Variants in ZDHHC20 observed in about 807,000 individuals in gnomAD.
ZDHHC20 encodes the protein palmitoyltransferase ZDHHC20.
ZDHHC20 carries 43 observed loss-of-function variants against 57.8 expected under a neutral mutation model. That is an observed-to-expected ratio of 0.74 (90% CI 0.58 to 0.96). ZDHHC20 has a LOEUF of 0.96. Among genes scored for constraint, ZDHHC20 ranks in the 40% least tolerant of loss-of-function variants. ZDHHC20 has a pLI of 0.00. For missense variants in ZDHHC20, 391 were observed against 441.1 expected (o/e 0.89, Z 1.02); for synonymous variants, 157 against 153.0 (o/e 1.03, Z -0.19).
chr13:21,454,912 T>G (rs983777975), intron 1 of ZDHHC20, among the ~76,000 whole-genome samples: 9 of 151,858 alleles, frequency 5.9e-5, no homozygotes, highest in Non-Finnish European at 1.2e-4. Context: ...TTTGTTTGTT[T>G]GTTTGTTGGT....
rs138977863 is a variant in ZDHHC20, at chr13:21,374,872, G to A, written c.*1824C>T. On this transcript the variant is annotated 3_prime_UTR_variant, in exon 13 of 13. Transcript: ENST00000400590. ...ACCGGGGCGGGGCGTGGTGGCTCAC[G>A]CCTGTAATCCCAGCACTTTGGGAAG... is the stretch of plus-strand genomic sequence containing the variant. 4.0e-3 allele frequency: 1,264 copies of A among 312,994 alleles called. 17 individuals are homozygous for A. The highest frequency in any genetic ancestry group is 0.025 in the African/African-American group (1,139 of 45,204). 19.4% of individuals were successfully genotyped at this position (312,994 alleles called of 1,614,324 possible). A position where few individuals can be genotyped will look rare whatever the true frequency, so the allele number is the denominator to read the frequency against.
At chr13:21,458,021 C>T (rs1336498768) in intron 1 of ZDHHC20, among the ~76,000 whole-genome samples, 1 of 152,200 alleles carries the variant, frequency 6.6e-6, no homozygotes, top group Non-Finnish European at 1.5e-5. Context: ...CAGATGTATA[C>T]AGAACACCCT....
At chr13:21,404,810 G>T (rs1254648789) in intron 4 of ZDHHC20, among the ~76,000 whole-genome samples, 2 of 149,576 alleles carry the variant, frequency 1.3e-5, no homozygotes, top group African/African-American at 4.9e-5. Flanking sequence ...AAAGGGAAAA[G>T]AATATATATT....
At chr13:21,428,454 C>T (rs1027711350) in intron 1 of ZDHHC20, among the ~76,000 whole-genome samples, 1 of 151,690 alleles carries the variant, frequency 6.6e-6, no homozygotes, top group Admixed American at 6.6e-5. Context: ...CTCCTGACCT[C>T]GTGATCCACC....
chr13:21,416,584 G>A (rs1249182150), intron 3 of ZDHHC20, among the ~76,000 whole-genome samples: 3 of 152,084 alleles, frequency 2.0e-5, no homozygotes, highest in East Asian at 1.9e-4. Context: ...TACAAAATAC[G>A]AATCAGCATA....
rs144164087 is a variant in ZDHHC20, at chr13:21,403,836, C to T, written c.371-970G>A. On this transcript the variant is annotated intron_variant, in intron 4 of 12. Transcript: ENST00000400590. The stretch of plus-strand genomic sequence containing the variant: ...CCGAGTAGCTGGGACAACAGGTGTG[C>T]GCCATCATGCCCAGGTAATTTTTGT... Among the ~76,000 whole-genome samples the T allele has an allele frequency of 2.7e-4, 41 of 152,170 alleles. No homozygotes were observed. In the East Asian group the frequency reaches 6.4e-3, roughly 24 times the overall value.
intron 4 of ZDHHC20, among the ~76,000 whole-genome samples, chr13:21,406,423 T>C (rs2137822146): frequency 6.6e-6 from 1 of 152,372 alleles, no homozygotes; most frequent in East Asian, 1.9e-4. Flanking sequence ...ATAAAATAGA[T>C]GTGTAGAACA....
intron 8 of ZDHHC20, among the ~76,000 whole-genome samples, chr13:21,388,317 CT>C (rs1289417010): frequency 1.3e-5 from 2 of 151,776 alleles, no homozygotes. Context: ...GTTTTATAAG[CT>C]AAGGATAAGA....
chr13:21,386,698 G>A (rs944332077), intron 9 of ZDHHC20, among the ~76,000 whole-genome samples: 17 of 152,176 alleles, frequency 1.1e-4, no homozygotes, highest in South Asian at 6.2e-4. Flanking sequence ...ACAGGTGTGC[G>A]CCACCACACC....
In ZDHHC20 at chr13:21,421,141, C is replaced by T; in HGVS notation, c.169G>A (p.Ala57Thr). The T allele has an allele frequency of 2.5e-6, 4 of 1,613,128 alleles. No homozygotes were observed. The highest frequency in any genetic ancestry group is 3.4e-6 in the Non-Finnish European group (4 of 1,179,614). Reference sequence around the variant, plus strand: ...AACATAACAAAGAACAGATGGAAAGCCACAAGGTAAACAACGGTCTTTCCT... The same window carrying T: ...AACATAACAAAGAACAGATGGAAAGTCACAAGGTAAACAACGGTCTTTCCT... ...ENGKTVVYLV[A>T]FHLFFVMFVW... Residue 57 changes from alanine (A) to threonine (T), a missense_variant, in exon 3 of 13, where the codon GCT (alanine) becomes ACT (threonine). Ala to Thr is a moderately conservative substitution (Grantham distance 58, BLOSUM62 0). Around this residue, in one of 3 missense-constraint regions of ZDHHC20, gnomAD observed 185 missense variants for 188.0 expected, o/e 0.98. Transcript: ENST00000400590.
intron 1 of ZDHHC20, among the ~76,000 whole-genome samples, chr13:21,432,890 T>A (rs74985854): frequency 0.03 from 4,583 of 152,350 alleles, 219 homozygotes; most frequent in African/African-American, 0.1. Flanking sequence ...TATTTGTTCT[T>A]CATTAAATTA....
intron 4 of ZDHHC20, among the ~76,000 whole-genome samples, chr13:21,410,848 C>T (rs192356142): frequency 4.6e-5 from 7 of 152,300 alleles, no homozygotes; most frequent in African/African-American, 1.4e-4. Flanking sequence ...CTAGCTTCAA[C>T]CCCCTTTCCA....
intron 7 of ZDHHC20, among the ~76,000 whole-genome samples, chr13:21,397,428 G>A (rs969942098): frequency 2.0e-5 from 3 of 152,162 alleles, no homozygotes; most frequent in Non-Finnish European, 2.9e-5. Context: ...TTGGGAGGCC[G>A]AGGTGGGAGG....
At chr13:21,400,564 T>C in intron 6 of ZDHHC20, 71 bp from the exon 7 acceptor site, 1 of 1,474,626 alleles carries the variant, frequency 6.8e-7, no homozygotes, top group Non-Finnish European at 9.1e-7. Flanking sequence ...GAAAGTAGGA[T>C]GGAGGCTGCC....
chr13:21,376,296 T>C lies in ZDHHC20; in HGVS notation c.*400A>G, dbSNP rs1249945782. On this transcript the variant is annotated 3_prime_UTR_variant, in exon 13 of 13. Coordinates refer to ENST00000400590, the MANE Select transcript of ZDHHC20 (RefSeq NM_001330059.2). ...GTACTTTAAAGTTTTTAAGCTTGTG[T>C]TTTTGGAGTGAAAATGTATATGGAT... The C allele has an allele frequency of 6.1e-6, 1 of 164,342 alleles. No individual in the cohort carries two copies. The highest frequency in any genetic ancestry group is 2.4e-5 in the African/African-American group (1 of 42,068). 10.2% of individuals were successfully genotyped at this position (164,342 alleles called of 1,614,324 possible). A position where few individuals can be genotyped will look rare whatever the true frequency, so the allele number is the denominator to read the frequency against.
intron 10 of ZDHHC20, chr13:21,381,910 G>A (rs1254304929): frequency 5.6e-6 from 3 of 535,968 alleles, no homozygotes; most frequent in South Asian, 1.4e-5. Flanking sequence ...CCTGTCATTT[G>A]CCAAGTTTTC....
At chr13:21,411,984 C>T (rs1425592292) in intron 4 of ZDHHC20, among the ~76,000 whole-genome samples, 2 of 152,178 alleles carry the variant, frequency 1.3e-5, no homozygotes, top group African/African-American at 4.8e-5. Context: ...GCTGCAAATA[C>T]ACGAGTGGAG....
At chr13:21,402,236 T>C (rs896298214) in intron 5 of ZDHHC20, among the ~76,000 whole-genome samples, 3 of 152,134 alleles carry the variant, frequency 2.0e-5, no homozygotes, top group African/African-American at 7.2e-5. Flanking sequence ...ATATTAACAC[T>C]GATGGGCTTG....
chr13:21,423,713 A>G (rs1457873462), intron 2 of ZDHHC20, among the ~76,000 whole-genome samples: 1 of 150,388 alleles, frequency 6.6e-6, no homozygotes, highest in African/African-American at 2.4e-5. Context: ...TATTATATGT[A>G]TATTTTATAT....
Sources: gnomAD v4.1 joint callset for allele counts (sites outside exome capture counted in the v4.1 genomes callset) on GRCh38, gnomAD v4.1.1 for gene constraint, gnomAD v4.1.1 regional missense constraint, MANE v1.5 for transcripts, NCBI Gene and HGNC (gene_info 2026-07-23, HGNC 2026-07-21) for gene names.